Variants in MEF2D observed in about 807,000 individuals in gnomAD.
MEF2D encodes the protein myocyte-specific enhancer factor 2D.
MEF2D carries 10 observed loss-of-function variants against 59.3 expected under a neutral mutation model. The observed-to-expected ratio is 0.17, with a 90% CI of 0.10 to 0.29. The LOEUF (loss-of-function observed/expected upper bound fraction) is 0.29. MEF2D is among the 10% of genes least tolerant of loss of function. The probability of loss-of-function intolerance (pLI) is 1.00; values close to 1 mark genes in which losing one functional copy is unlikely to be tolerated. For synonymous variants in MEF2D, 305 were observed against 295.0 expected (o/e 1.03, Z -0.35); for missense variants, 508 against 699.4 (o/e 0.73, Z 3.09).
chr1:156,486,357 G>C (rs1020668393), intron 1 of MEF2D, among the ~76,000 whole-genome samples: 2 of 152,222 alleles, frequency 1.3e-5, no homozygotes, highest in Non-Finnish European at 2.9e-5. Context: ...CTTTGGCAGG[G>C]AAGGTAGGGG....
intron 2 of MEF2D, among the ~76,000 whole-genome samples, chr1:156,483,005 G>A (rs1320794580): frequency 1.3e-5 from 2 of 152,202 alleles, no homozygotes; most frequent in South Asian, 2.1e-4. Flanking sequence ...GCTCTGGGAT[G>A]GGAACATGGG....
chr1:156,480,583 G>T, intron 4 of MEF2D: 1 of 1,492,968 alleles, frequency 6.7e-7, no homozygotes. Flanking sequence ...GCAGCCGAGA[G>T]CCAGGGCGCG....
chr1:156,472,610 GCA>G (rs2102019091), intron 9 of MEF2D, among the ~76,000 whole-genome samples: 2 of 152,272 alleles, frequency 1.3e-5, no homozygotes, highest in East Asian at 3.9e-4. Flanking sequence ...GTGCAGTGGT[GCA>G]ACCTCGGCTC....
rs1381626602 is a variant in MEF2D at position 156,467,563 on chromosome 1, G to GA, written c.*81dup. On this transcript the variant is annotated 3_prime_UTR_variant, in exon 12 of 12. Transcript: ENST00000348159. ...AAGAAAGGAAGTGGGGGTCGAGCGGGAGGAGCCCGGGGCAGGGAAGGGCGG... is the reference window on the plus strand; with the variant it reads ...AAGAAAGGAAGTGGGGGTCGAGCGGGAAGGAGCCCGGGGCAGGGAAGGGCGG... The GA allele has an allele frequency of 8.5e-7, 1 of 1,174,558 alleles. No individual in the cohort carries two copies. Among genetic ancestry groups the GA allele is most frequent in the Non-Finnish European group, 1.1e-6 (1 of 895,356 alleles). 72.8% of individuals were successfully genotyped at this position (1,174,558 alleles called of 1,614,324 possible).
chr1:156,486,465 T>C (rs1459256419), intron 1 of MEF2D, among the ~76,000 whole-genome samples: 1 of 152,218 alleles, frequency 6.6e-6, no homozygotes, highest in Non-Finnish European at 1.5e-5. Context: ...GACTGTTAAA[T>C]GCAGGAACTG....
At chr1:156,487,135 C>T (rs536471209) in intron 1 of MEF2D, among the ~76,000 whole-genome samples, 5 of 152,326 alleles carry the variant, frequency 3.3e-5, no homozygotes, top group Admixed American at 1.3e-4. Flanking sequence ...AGGCAACTGT[C>T]GCCTGGCAAC....
chr1:156,498,172 A>G (rs1673253768), intron 1 of MEF2D, among the ~76,000 whole-genome samples: 1 of 150,752 alleles, frequency 6.6e-6, no homozygotes, highest in Non-Finnish European at 1.5e-5. Flanking sequence ...AAAGACTATC[A>G]TATCTCCCAG....
rs1243606568 is a variant in MEF2D, at chr1:156,468,294, C to G, written c.1253G>C (p.Gly418Ala). ...AGCACCCACGTGGGGCAGGGGGCTG[C>G]CCGGGCTGGAGGCAGGCAATGGAAA... ...VPVSLSNLIP[G>A]SPLPHVGAAL... Residue 418 changes from glycine to alanine, a missense_variant, in exon 11 of 12, where the codon GGC (glycine) becomes GCC (alanine). Physicochemically the swap from Gly to Ala is moderately conservative, Grantham distance 60. This residue lies in a region of MEF2D where 481 missense variants were observed against 584.7 expected (regional missense o/e 0.82). Coordinates refer to ENST00000348159, the MANE Select transcript of MEF2D (RefSeq NM_005920.4). This position sits in a 1 kb window ranked among gnomAD's most constrained non-coding sequence, Gnocchi z 4.3. The G allele has an allele frequency of 1.9e-6, 3 of 1,545,928 alleles. No individual in the cohort carries two copies. In the Admixed American group the frequency reaches 5.9e-5, roughly 30 times the overall value.
At chr1:156,476,850 C>T (rs1671640039) in intron 7 of MEF2D, 162 bp downstream of exon 7, 1 of 863,034 alleles carries the variant, frequency 1.2e-6, no homozygotes, top group South Asian at 1.8e-5. Flanking sequence ...TTAAAAGGCC[C>T]TCTGGGAAGA....
chr1:156,490,137 C>G (rs936606402), intron 1 of MEF2D, among the ~76,000 whole-genome samples: 6 of 152,136 alleles, frequency 3.9e-5, no homozygotes, highest in Admixed American at 2.0e-4. Context: ...AAGGCAGGAG[C>G]CTCACATTGT....
At chr1:156,487,745 A>T (rs1672464094) in intron 1 of MEF2D, among the ~76,000 whole-genome samples, 1 of 152,182 alleles carries the variant, frequency 6.6e-6, no homozygotes, top group Non-Finnish European at 1.5e-5. Context: ...TACCTAACCA[A>T]CTGGCAGGAG....
At chr1:156,497,861 C>A (rs1194722287) in intron 1 of MEF2D, among the ~76,000 whole-genome samples, 2 of 151,922 alleles carry the variant, frequency 1.3e-5, no homozygotes, top group Non-Finnish European at 2.9e-5. Flanking sequence ...GGGAGAGGTC[C>A]AGGCCTCTCT....
chr1:156,478,228 T>C (rs1671746387), intron 6 of MEF2D, among the ~76,000 whole-genome samples: 1 of 152,134 alleles, frequency 6.6e-6, no homozygotes, highest in African/African-American at 2.4e-5. Flanking sequence ...CCCTGTGACA[T>C]AATTATCACC....
intron 9 of MEF2D, among the ~76,000 whole-genome samples, chr1:156,471,775 A>AC (rs1671248733): frequency 1.3e-5 from 2 of 152,248 alleles, no homozygotes; most frequent in South Asian, 4.1e-4. Flanking sequence ...GTGAACAACT[A>AC]AACAGCAATG....
intron 1 of MEF2D, among the ~76,000 whole-genome samples, chr1:156,488,929 GT>G (rs1672559079): frequency 2.0e-5 from 3 of 152,020 alleles, no homozygotes; most frequent in Non-Finnish European, 4.4e-5. Context: ...GTACCTACCT[GT>G]CCTTCTCCCC....
At chr1:156,494,773 G>A (rs1001649150) in intron 1 of MEF2D, among the ~76,000 whole-genome samples, 1 of 152,226 alleles carries the variant, frequency 6.6e-6, no homozygotes, top group African/African-American at 2.4e-5. Context: ...AACTCACACA[G>A]AGATGGGCAG....
Position 156,468,785 on chromosome 1 carries a change from G to A in MEF2D, c.1242C>T (p.Asn414=), listed in dbSNP as rs1671034305. The change falls in exon 10 of 12, where the codon AAC becomes AAT. Residue 414 remains asparagine, a synonymous_variant. Coordinates refer to ENST00000348159, the MANE Select transcript of MEF2D (RefSeq NM_005920.4). This position sits in a 1 kb window ranked among gnomAD's most constrained non-coding sequence, Gnocchi z 4.3. The stretch of plus-strand genomic sequence containing the variant: ...GCAGTCTCCCCAGGACTCACATGAG[G>A]TTGCTGAGAGATACAGGGACCAGGT... ...QSHLVPVSLS[N]LIPGSPLPHV... 6.2e-7 allele frequency: 1 copy of A among 1,611,246 alleles called. No homozygotes were observed. The highest frequency in any genetic ancestry group is 8.5e-7 in the Non-Finnish European group (1 of 1,177,650).
chr1:156,469,121 G>C (rs529420968), intron 9 of MEF2D, 101 bp from the exon 10 acceptor site: 14 of 1,446,832 alleles, frequency 9.7e-6, no homozygotes, highest in Admixed American at 9.2e-5. Context: ...GAGGGGACAG[G>C]GAGTGTGTAA....
chr1:156,480,591 G>A (rs893704206), intron 4 of MEF2D: 12 of 1,502,276 alleles, frequency 8.0e-6, no homozygotes, highest in Middle Eastern at 1.7e-4. Context: ...GAGCCAGGGC[G>A]CGAAGCCACA....
Sources: allele counts gnomAD v4.1 joint callset (sites outside exome capture counted in the v4.1 genomes callset), GRCh38; gene constraint gnomAD v4.1.1; regional missense constraint gnomAD v4.1.1; non-coding constraint Gnocchi (gnomAD v3.1); transcripts MANE v1.5; gene names NCBI Gene and HGNC (gene_info 2026-07-23, HGNC 2026-07-21).